The following ZFP1 variants were observed in gnomAD, a reference collection of about 807,000 sequenced individuals.
ZFP1 encodes the protein ZFP1 zinc finger protein, also known as zinc finger protein 1 homolog.
Under a neutral mutation model 38.5 loss-of-function variants are expected in ZFP1, and 32 were observed. The observed-to-expected ratio is 0.83, with a 90% CI of 0.63 to 1.12. The LOEUF (loss-of-function observed/expected upper bound fraction) is 1.12, where lower values mean the gene tolerates loss of function less well. Among genes scored for constraint, ZFP1 ranks in the 50% most tolerant of loss-of-function variants. The pLI is 0.00. For synonymous variants in ZFP1, 245 were observed against 168.8 expected, an observed-to-expected ratio of 1.45 and a Z score of -3.50; for missense variants, 616 against 480.8, an observed-to-expected ratio of 1.28 and a Z score of -2.63.
chr16:75,170,538 T>C lies in ZFP1; in HGVS notation c.*204T>C. ...CAGCTAAAGAATACATATCAGAATATATCCAGTTGTAAATAGCCATACCCA... is the reference window on the plus strand; with the variant it reads ...CAGCTAAAGAATACATATCAGAATACATCCAGTTGTAAATAGCCATACCCA... On this transcript the variant is annotated 3_prime_UTR_variant, in exon 4 of 4. Coordinates refer to ENST00000570010, the MANE Select transcript of ZFP1 (RefSeq NM_153688.4). The C allele has an allele frequency of 1.4e-6, 1 of 724,024 alleles. No individual in the cohort carries two copies. Among genetic ancestry groups the C allele is most frequent in the Non-Finnish European group, 2.0e-6 (1 of 501,308 alleles). 44.8% of individuals were successfully genotyped at this position (724,024 alleles called of 1,614,324 possible).
rs2038363256 is a variant in ZFP1, at chr16:75,170,422, G to A, written c.*88G>A. Reference sequence around the variant, plus strand: ...TCATGACAGTATTGAGGGAACATGGGAATTCATACTGAGATGCAATCTCTC... The same window carrying A: ...TCATGACAGTATTGAGGGAACATGGAAATTCATACTGAGATGCAATCTCTC... On this transcript the variant is annotated 3_prime_UTR_variant, in exon 4 of 4. Transcript: ENST00000570010. 1.4e-6 allele frequency: 2 copies of A among 1,443,996 alleles called. No homozygotes were observed. Among genetic ancestry groups the A allele is most frequent in the Admixed American group, 2.5e-5 (1 of 39,812 alleles). 89.4% of individuals were successfully genotyped at this position (1,443,996 alleles called of 1,614,324 possible).
rs139634105 is a variant in ZFP1, at chr16:75,168,882, G to T, written c.143-371G>T. Among the ~76,000 whole-genome samples, 23 of 152,142 alleles carry T rather than the reference G, an allele frequency of 1.5e-4. No individual in the cohort carries two copies. In the East Asian group the frequency reaches 4.3e-3, roughly 28 times the overall value. On this transcript the variant is annotated intron_variant, in intron 3 of 3. Transcript: ENST00000570010. ...AATTCCCTCATCTGCTTACTTTCTC[G>T]GTCTCTGTGCTAACTGCAGTGTCCT...
the ZFP1 span, among the ~76,000 whole-genome samples, chr16:75,122,889 T>C: frequency 6.6e-6 from 1 of 152,246 alleles, no homozygotes; most frequent in African/African-American, 2.4e-5. Flanking sequence ...GTGATAATTT[T>C]GCAATGGCAG....
At chr16:75,147,094 C>G (rs2036960353), upstream of ZFP1, among the ~76,000 whole-genome samples, 1 of 151,992 alleles carries the variant, frequency 6.6e-6, no homozygotes, top group South Asian at 2.1e-4. Context: ...ACTATGGAGA[C>G]AGTAAAAATA....
At position 75,162,018 on chromosome 16, in the gene ZFP1, C is replaced by T. The variant is rs543295843; in HGVS notation, c.16-4752C>T. 8.7e-4 allele frequency among the ~76,000 whole-genome samples: 132 copies of T among 151,146 alleles called. 1 individual carries two copies. The highest frequency in any genetic ancestry group is 4.4e-3 in the South Asian group (21 of 4,780). Reference sequence around the variant, plus strand: ...CAGGCTGGTCTCGAACTCCTGACCTCATGTGATCCGCCTACCTCGGCCTCC... The same window carrying T: ...CAGGCTGGTCTCGAACTCCTGACCTTATGTGATCCGCCTACCTCGGCCTCC... On this transcript the variant is annotated intron_variant, in intron 2 of 3. Coordinates refer to ENST00000570010, the MANE Select transcript of ZFP1 (RefSeq NM_153688.4).
chr16:75,161,774 ATTTTT>A (rs200925992), intron 2 of ZFP1, among the ~76,000 whole-genome samples: 3 of 7,818 alleles, frequency 3.8e-4, no homozygotes, highest in South Asian at 5.4e-3. Context: ...ATATATATAT[ATTTTT>A]TTTTTTTTTT....
At chr16:75,139,337 C>G in the ZFP1 span, among the ~76,000 whole-genome samples, 1 of 132,868 alleles carries the variant, frequency 7.5e-6, no homozygotes, top group Non-Finnish European at 1.5e-5. Context: ...CCACTGCACT[C>G]CAGCCTGGGC....
At chr16:75,153,239 A>G (rs368080119) in intron 2 of ZFP1, among the ~76,000 whole-genome samples, 4 of 152,346 alleles carry the variant, frequency 2.6e-5, no homozygotes, top group South Asian at 4.1e-4. Flanking sequence ...AGAAACAACC[A>G]ACTTTGAAAG....
the ZFP1 span, among the ~76,000 whole-genome samples, chr16:75,134,837 C>A: frequency 6.6e-6 from 1 of 151,814 alleles, no homozygotes; most frequent in African/African-American, 2.4e-5. Context: ...GCGGGCGGAT[C>A]ACCTGAGGTC....
the ZFP1 span, among the ~76,000 whole-genome samples, chr16:75,127,172 G>T: frequency 6.6e-6 from 1 of 152,020 alleles, no homozygotes; most frequent in Non-Finnish European, 1.5e-5. Flanking sequence ...GGTCCTCTTT[G>T]GTTTTACAAT....
At chr16:75,142,404 C>T in the ZFP1 span, among the ~76,000 whole-genome samples, 1 of 151,758 alleles carries the variant, frequency 6.6e-6, no homozygotes, top group African/African-American at 2.4e-5. Context: ...TTCTGTGAGG[C>T]CAGCTGCTGA....
chr16:75,130,707 C>T, the ZFP1 span, among the ~76,000 whole-genome samples: 2 of 152,122 alleles, frequency 1.3e-5, no homozygotes, highest in African/African-American at 4.8e-5. Flanking sequence ...GGTGGCCTGA[C>T]TTTCCTGTTG....
chr16:75,122,579 C>G, the ZFP1 span, among the ~76,000 whole-genome samples: 2 of 152,308 alleles, frequency 1.3e-5, no homozygotes, highest in African/African-American at 4.8e-5. Context: ...TGAAGAGAAA[C>G]TTGGAGTTCA....
chr16:75,122,026 G>A, the ZFP1 span, among the ~76,000 whole-genome samples: 1 of 145,986 alleles, frequency 6.8e-6, no homozygotes, highest in Non-Finnish European at 1.5e-5. Flanking sequence ...GCTTGTGTAA[G>A]CTTGTTAGAA....
the ZFP1 span, among the ~76,000 whole-genome samples, chr16:75,143,463 C>G: frequency 6.6e-6 from 1 of 151,964 alleles, no homozygotes; most frequent in African/African-American, 2.4e-5. Flanking sequence ...CCAGGCTGGT[C>G]TCGAACTCTT....
Position 75,161,411 on chromosome 16 carries a change from G to A in ZFP1, c.16-5359G>A, listed in dbSNP as rs370438955. 2.0e-4 allele frequency among the ~76,000 whole-genome samples: 31 copies of A among 151,840 alleles called. No homozygotes were observed. In the East Asian group the frequency reaches 2.7e-3, roughly 13 times the overall value. On this transcript the variant is annotated intron_variant, in intron 2 of 3. Coordinates refer to ENST00000570010, the MANE Select transcript of ZFP1 (RefSeq NM_153688.4). Reference sequence around the variant, plus strand: ...CTTGGGCTTTGTTGTTCTGTGCCATGGTTCAGCATGATCGTAAATGTGTGG... The same window carrying A: ...CTTGGGCTTTGTTGTTCTGTGCCATAGTTCAGCATGATCGTAAATGTGTGG...
the ZFP1 span, among the ~76,000 whole-genome samples, chr16:75,120,506 G>GT: frequency 5.2e-3 from 763 of 147,340 alleles, 5 homozygotes; most frequent in African/African-American, 0.017. Context: ...CCTGTTTGTG[G>GT]TTTTTTTTTG....
chr16:75,137,536 C>G, the ZFP1 span, among the ~76,000 whole-genome samples: 1 of 119,088 alleles, frequency 8.4e-6, no homozygotes, highest in Admixed American at 1.0e-4. Flanking sequence ...TCTTGGCTCA[C>G]TGCAAGCTCC....
the ZFP1 span, among the ~76,000 whole-genome samples, chr16:75,123,150 T>C: frequency 6.6e-6 from 1 of 151,574 alleles, no homozygotes; most frequent in African/African-American, 2.4e-5. Flanking sequence ...GGTCAGAAGT[T>C]TGAGACCAGC....
Sources: gnomAD v4.1 joint callset for allele counts (sites outside exome capture counted in the v4.1 genomes callset) on GRCh38, gnomAD v4.1.1 for gene constraint, MANE v1.5 for transcripts, NCBI Gene and HGNC (gene_info 2026-07-23, HGNC 2026-07-21) for gene names.